The following PTPRN2 variants were observed in gnomAD, a reference collection of about 807,000 sequenced individuals.
PTPRN2 encodes the protein protein tyrosine phosphatase receptor type N2, also known as receptor-type tyrosine-protein phosphatase N2.
PTPRN2 carries 74 observed loss-of-function variants against 118.8 expected under a neutral mutation model. That is an observed-to-expected ratio of 0.62 (90% CI 0.52 to 0.76). PTPRN2 has a LOEUF of 0.76. PTPRN2 is among the 30% of genes least tolerant of loss of function. The pLI is 0.00. For synonymous variants in PTPRN2, 641 were observed against 608.0 expected (o/e 1.05, Z -0.80); for missense variants, 1,481 against 1,394.4 (o/e 1.06, Z -0.99).
intron 2 of PTPRN2, among the ~76,000 whole-genome samples, chr7:158,390,205 C>T (rs765544892): frequency 9.9e-5 from 15 of 152,114 alleles, no homozygotes; most frequent in South Asian, 2.1e-4. Context: ...CGCCCTGGGC[C>T]GTGTCCTCCC....
intron 3 of PTPRN2, among the ~76,000 whole-genome samples, chr7:158,247,859 A>G (rs1796360437): frequency 1.3e-5 from 2 of 151,846 alleles, no homozygotes. Context: ...CAGGTGATCC[A>G]CCCACCTTGG....
At chr7:157,631,755 C>G (rs1585140336) in intron 14 of PTPRN2, among the ~76,000 whole-genome samples, 1 of 151,990 alleles carries the variant, frequency 6.6e-6, no homozygotes, top group African/African-American at 2.4e-5. Context: ...CGGCGTGAAC[C>G]CGGGAGGCGG....
intron 12 of PTPRN2, among the ~76,000 whole-genome samples, chr7:157,703,202 T>C (rs933476957): frequency 2.6e-5 from 4 of 152,170 alleles, no homozygotes; most frequent in African/African-American, 9.7e-5. Context: ...CCACTGGACC[T>C]GGTGACTCCA....
chr7:158,329,813 G>A (rs565738590), intron 2 of PTPRN2, among the ~76,000 whole-genome samples: 290 of 152,222 alleles, frequency 1.9e-3, no homozygotes, highest in Non-Finnish European at 3.0e-3. Flanking sequence ...CCACTTCACC[G>A]CTCGAGGCTG....
intron 1 of PTPRN2, among the ~76,000 whole-genome samples, chr7:158,580,201 A>C (rs892157249): frequency 6.6e-6 from 1 of 152,232 alleles, no homozygotes; most frequent in Non-Finnish European, 1.5e-5. Context: ...GAGAATGTAC[A>C]CATTGTGGGG....
At chr7:158,101,468 C>G (rs1251215421) in intron 10 of PTPRN2, among the ~76,000 whole-genome samples, 1 of 152,200 alleles carries the variant, frequency 6.6e-6, no homozygotes, top group Non-Finnish European at 1.5e-5. Flanking sequence ...TAGGCAAAGA[C>G]TTCATGACAA....
At chr7:157,747,902 T>C in intron 12 of PTPRN2, among the ~76,000 whole-genome samples, 1 of 147,654 alleles carries the variant, frequency 6.8e-6, no homozygotes, top group South Asian at 2.2e-4. Flanking sequence ...TTCTGAGGCC[T>C]GCGTCCCTGA....
At position 157,632,442 on chromosome 7, in the gene PTPRN2, T is replaced by C. The variant is rs1217113238; in HGVS notation, c.2197-10933A>G. ...TGTTAATAGTGAACACATTGTGTTC[T>C]AGAAATGTTCTAATTAATAAACTTA... On this transcript the variant is annotated intron_variant, in intron 14 of 22. Coordinates refer to ENST00000389418, the MANE Select transcript of PTPRN2 (RefSeq NM_002847.5). The surrounding 1 kb of genome is among the most constrained non-coding windows in gnomAD (Gnocchi z 4.3). Among the ~76,000 whole-genome samples, 1 of 152,264 alleles carries C rather than the reference T, an allele frequency of 6.6e-6. No homozygotes were observed. Among genetic ancestry groups the C allele is most frequent in the East Asian group, 1.9e-4 (1 of 5,202 alleles).
rs551492382 is a variant in PTPRN2 at position 157,766,598 on chromosome 7, G to A, written c.1789-83661C>T. Among the ~76,000 whole-genome samples the A allele has an allele frequency of 2.5e-3, 379 of 152,374 alleles. 1 individual carries two copies. Among genetic ancestry groups the A allele is most frequent in the Non-Finnish European group, 4.4e-3 (302 of 68,036 alleles). ...CTAGAGAATTGCTGGCACTTGCAGA[G>A]TGTGTTTGGATGACTTGGGTGTTCC... is the stretch of plus-strand genomic sequence containing the variant. On this transcript the variant is annotated intron_variant, in intron 12 of 22. Coordinates refer to ENST00000389418, the MANE Select transcript of PTPRN2 (RefSeq NM_002847.5).
chr7:158,185,828 A>G (rs900229068), intron 5 of PTPRN2, among the ~76,000 whole-genome samples: 2 of 152,126 alleles, frequency 1.3e-5, no homozygotes, highest in Non-Finnish European at 2.9e-5. Context: ...TCTCTGCTTT[A>G]TGGTCCAAGT....
intron 12 of PTPRN2, among the ~76,000 whole-genome samples, chr7:157,716,319 A>G (rs113913563): frequency 0.081 from 6,451 of 79,512 alleles, 1,107 homozygotes; most frequent in Middle Eastern, 0.14. Flanking sequence ...TAGACTCTGC[A>G]GGAACACTGC....
At chr7:157,736,651 C>T (rs571422352) in intron 12 of PTPRN2, among the ~76,000 whole-genome samples, 6 of 152,280 alleles carry the variant, frequency 3.9e-5, no homozygotes, top group African/African-American at 2.4e-5. Context: ...CACGGCCACC[C>T]GTGATGACTT....
intron 12 of PTPRN2, among the ~76,000 whole-genome samples, chr7:157,708,044 T>G (rs1473392252): frequency 6.6e-6 from 1 of 152,272 alleles, no homozygotes; most frequent in African/African-American, 2.4e-5. Flanking sequence ...CTTAGCAGTG[T>G]GCATCTGCCT....
intron 11 of PTPRN2, among the ~76,000 whole-genome samples, chr7:157,924,029 C>T (rs1798832466): frequency 6.6e-6 from 1 of 152,042 alleles, no homozygotes; most frequent in African/African-American, 2.4e-5. Flanking sequence ...CCATGGGCAC[C>T]CATAGCAGAC....
At chr7:157,733,854 T>G (rs112485357) in intron 12 of PTPRN2, among the ~76,000 whole-genome samples, 4 of 35,896 alleles carry the variant, frequency 1.1e-4, no homozygotes, top group African/African-American at 4.3e-4. Context: ...TTCCGTCCCA[T>G]GCGCCCAGCA....
At chr7:157,552,495 G>T (rs1563206030) in intron 21 of PTPRN2, among the ~76,000 whole-genome samples, 1 of 152,224 alleles carries the variant, frequency 6.6e-6, no homozygotes, top group Middle Eastern at 3.4e-3. Flanking sequence ...CACGTGGGGA[G>T]GGGATGGGCC....
At chr7:158,362,393 C>CAGAG (rs10693849) in intron 2 of PTPRN2, among the ~76,000 whole-genome samples, 92,134 of 152,164 alleles carry the variant, frequency 0.61, 28,660 homozygotes, top group African/African-American at 0.74. Flanking sequence ...CATTTACTCA[C>CAGAG]AGAGAAGAAA....
At chr7:158,268,137 C>T (rs965111784) in intron 3 of PTPRN2, among the ~76,000 whole-genome samples, 45 of 152,328 alleles carry the variant, frequency 3.0e-4, no homozygotes, top group African/African-American at 8.7e-4. Flanking sequence ...CTCATTGAGC[C>T]GCCAGCTAAT....
intron 12 of PTPRN2, among the ~76,000 whole-genome samples, chr7:157,749,238 G>C (rs1231059377): frequency 1.9e-5 from 2 of 103,696 alleles, no homozygotes; most frequent in Non-Finnish European, 3.8e-5. Flanking sequence ...GTGGGCTGTT[G>C]AGGTGATTCT....
Sources: gnomAD v4.1 joint callset for allele counts (sites outside exome capture counted in the v4.1 genomes callset) on GRCh38, gnomAD v4.1.1 for gene constraint, Gnocchi (gnomAD v3.1) non-coding constraint, MANE v1.5 for transcripts, NCBI Gene and HGNC (gene_info 2026-07-23, HGNC 2026-07-21) for gene names.